GTF2IRD1: variants seen among roughly 807,000 people sequenced by gnomAD.
The protein encoded by GTF2IRD1 is general transcription factor II-I repeat domain-containing protein 1.
Under a neutral mutation model 113.2 loss-of-function variants are expected in GTF2IRD1, and 26 were observed. That is an observed-to-expected ratio of 0.23 (90% CI 0.17 to 0.32). The LOEUF (loss-of-function observed/expected upper bound fraction) is 0.32, where lower values mean the gene tolerates loss of function less well. GTF2IRD1 is among the 10% of genes least tolerant of loss of function. The probability of loss-of-function intolerance (pLI) is 1.00; values close to 1 mark genes in which losing one functional copy is unlikely to be tolerated. For synonymous variants in GTF2IRD1, 484 were observed against 529.1 expected (o/e 0.91, Z 1.17); for missense variants, 864 against 1,280.8 (o/e 0.67, Z 4.97).
At chr7:74,580,616 A>G (rs1554365841) in intron 22 of GTF2IRD1, among the ~76,000 whole-genome samples, 3 of 152,074 alleles carry the variant, frequency 2.0e-5, no homozygotes. Context: ...CCTTGGGCTA[A>G]CAGACAGCAG....
intron 1 of GTF2IRD1, among the ~76,000 whole-genome samples, chr7:74,495,916 C>G (rs111800490): frequency 0.01 from 1,575 of 152,280 alleles, 31 homozygotes; most frequent in African/African-American, 0.036. Flanking sequence ...CTGCGCGTCT[C>G]TGTGTCCCAG....
chr7:74,474,039 C>T (rs368563068), intron 1 of GTF2IRD1, among the ~76,000 whole-genome samples: 4 of 150,898 alleles, frequency 2.7e-5, no homozygotes, highest in Admixed American at 2.0e-4. Context: ...GGCTGGCCAA[C>T]GTGGCGAAAC....
At chr7:74,573,272 CATGCCTGTA>C (rs370963870) in intron 22 of GTF2IRD1, among the ~76,000 whole-genome samples, 90 of 151,878 alleles carry the variant, frequency 5.9e-4, no homozygotes, top group Middle Eastern at 6.8e-3. Flanking sequence ...CATGAGGGCA[CATGCCTGTA>C]GTCCCAGCTA....
At chr7:74,569,423 T>C (rs1331475477) in intron 22 of GTF2IRD1, among the ~76,000 whole-genome samples, 1 of 152,190 alleles carries the variant, frequency 6.6e-6, no homozygotes, top group Non-Finnish European at 1.5e-5. Flanking sequence ...CCCTGGTCTA[T>C]GCTGTTCTGC....
intron 14 of GTF2IRD1, among the ~76,000 whole-genome samples, chr7:74,544,280 G>C (rs1554352545): frequency 6.6e-6 from 1 of 152,160 alleles, no homozygotes; most frequent in African/African-American, 2.4e-5. Flanking sequence ...CCGCCTCCTA[G>C]GTTCAGGCGA....
intron 1 of GTF2IRD1, among the ~76,000 whole-genome samples, chr7:74,483,026 G>A (rs782631913): frequency 1.3e-5 from 2 of 152,206 alleles, no homozygotes; most frequent in African/African-American, 2.4e-5. Context: ...TGCAATCAGC[G>A]TAGCTGTTAA....
At chr7:74,467,309 T>C (rs1393195064) in intron 1 of GTF2IRD1, among the ~76,000 whole-genome samples, 2 of 152,128 alleles carry the variant, frequency 1.3e-5, no homozygotes, top group African/African-American at 4.8e-5. Flanking sequence ...AGGAGCTGCT[T>C]CTGCCGGCCT....
intron 22 of GTF2IRD1, among the ~76,000 whole-genome samples, chr7:74,586,628 G>A (rs1801733607): frequency 6.6e-6 from 1 of 152,184 alleles, no homozygotes; most frequent in Admixed American, 6.6e-5. Flanking sequence ...GGAAAAGGAG[G>A]AACCAGGCCA....
intron 7 of GTF2IRD1, 45 bp from the exon 8 acceptor site, chr7:74,524,026 C>A: frequency 7.2e-7 from 1 of 1,385,284 alleles, no homozygotes; most frequent in South Asian, 1.2e-5. Context: ...GGCGTGTGAC[C>A]GTCCCGTGGG....
intron 14 of GTF2IRD1, among the ~76,000 whole-genome samples, chr7:74,544,094 A>T (rs1798786933): frequency 6.6e-6 from 1 of 152,116 alleles, no homozygotes; most frequent in African/African-American, 2.4e-5. Context: ...TATTCCTAGC[A>T]TCTTCCTTTT....
At position 74,519,650 on chromosome 7, in the gene GTF2IRD1, G is replaced by T; in HGVS notation, c.847G>T (p.Asp283Tyr). ...ACCTTCCTGCCCCCTTGCCCCCAGC[G>T]ACCTGGGCCTGAGTCGGCCCATGCC... ...EAPSCPLAPSDLGLSRPMPEP... is the reference protein window; with the variant it reads ...EAPSCPLAPSYLGLSRPMPEP... The change falls in exon 6 of 27, where the codon GAC becomes TAC. Residue 283 changes from aspartate to tyrosine, a missense_variant. Physicochemically the swap from Asp to Tyr is radical, Grantham distance 160. Coordinates refer to ENST00000424337, the MANE Select transcript of GTF2IRD1 (RefSeq NM_005685.4). The T allele has an allele frequency of 6.2e-7, 1 of 1,610,134 alleles. No individual in the cohort carries two copies. The highest frequency in any genetic ancestry group is 8.5e-7 in the Non-Finnish European group (1 of 1,178,664).
intron 1 of GTF2IRD1, among the ~76,000 whole-genome samples, chr7:74,480,056 A>G (rs987895782): frequency 1.3e-5 from 2 of 152,022 alleles, no homozygotes; most frequent in Non-Finnish European, 2.9e-5. Flanking sequence ...CCAAGTACAT[A>G]AATCTTAAGC....
intron 4 of GTF2IRD1, among the ~76,000 whole-genome samples, chr7:74,516,233 C>A (rs2130191359): frequency 6.6e-6 from 1 of 152,380 alleles, no homozygotes; most frequent in Non-Finnish European, 1.5e-5. Flanking sequence ...AGCCCCCTCA[C>A]AGTGGGTTTA....
chr7:74,533,478 C>A (rs1204429784), intron 9 of GTF2IRD1, among the ~76,000 whole-genome samples: 3 of 152,154 alleles, frequency 2.0e-5, no homozygotes, highest in Non-Finnish European at 2.9e-5. Flanking sequence ...CCTAAATGGG[C>A]CCCTGGGTGC....
chr7:74,540,121 G>C (rs1798548901), intron 14 of GTF2IRD1, among the ~76,000 whole-genome samples, 153 bp downstream of exon 14: 1 of 152,018 alleles, frequency 6.6e-6, no homozygotes, highest in Non-Finnish European at 1.5e-5. Flanking sequence ...TCCAAGGCTG[G>C]GTTCCTTTTG....
chr7:74,601,415 G>A (rs758501535), intron 26 of GTF2IRD1: 2 of 1,478,866 alleles, frequency 1.4e-6, no homozygotes, highest in African/African-American at 2.8e-5. Context: ...ATCCTCGCTG[G>A]GCAGATGGGC....
At position 74,502,164 on chromosome 7, in the gene GTF2IRD1, T is replaced by C. The variant is rs1039790714; in HGVS notation, c.-6-5911T>C. On this transcript the variant is annotated intron_variant, in intron 1 of 26. Coordinates refer to ENST00000424337, the MANE Select transcript of GTF2IRD1 (RefSeq NM_005685.4). ...ATGTTTCCCAGGCTGGTCTTGAACT[T>C]CTGGCCTCAAGCCATCCTCCCACCT... is the stretch of plus-strand genomic sequence containing the variant. 3.3e-5 allele frequency among the ~76,000 whole-genome samples: 5 copies of C among 152,304 alleles called. No homozygotes were observed. In the Middle Eastern group the frequency reaches 0.01, roughly 311 times the overall value.
At chr7:74,532,112 C>T (rs998941469) in intron 9 of GTF2IRD1, among the ~76,000 whole-genome samples, 9 of 152,264 alleles carry the variant, frequency 5.9e-5, no homozygotes, top group East Asian at 3.9e-4. Flanking sequence ...CCTTCCAGTC[C>T]GGGCAGCCCG....
chr7:74,520,317 GA>G (rs1554345669), intron 6 of GTF2IRD1, among the ~76,000 whole-genome samples: 1 of 151,840 alleles, frequency 6.6e-6, no homozygotes, highest in East Asian at 1.9e-4. Flanking sequence ...AGGACAAAAG[GA>G]ACAACTGCAG....
Sources: gnomAD v4.1 joint callset for allele counts (sites outside exome capture counted in the v4.1 genomes callset) on GRCh38, gnomAD v4.1.1 for gene constraint, MANE v1.5 for transcripts, NCBI Gene and HGNC (gene_info 2026-07-23, HGNC 2026-07-21) for gene names.